Variants in RAB7A observed in about 807,000 individuals in gnomAD.
RAB7A encodes RAB7A, member RAS oncogene family.
RAB7A carries 2 observed loss-of-function variants against 24.5 expected under a neutral mutation model. The observed-to-expected ratio is 0.08, with a 90% CI of 0.03 to 0.26. The LOEUF (loss-of-function observed/expected upper bound fraction) is 0.26, where lower values mean the gene tolerates loss of function less well. Ranked by LOEUF, RAB7A falls within the 10% of genes least tolerant of loss-of-function variation. RAB7A has a pLI of 1.00. For synonymous variants in RAB7A, 100 were observed against 95.9 expected (o/e 1.04, Z -0.25); for missense variants, 118 against 255.7 (o/e 0.46, Z 3.67).
intron 1 of RAB7A, among the ~76,000 whole-genome samples, chr3:128,771,321 T>C (rs1226188889): frequency 2.6e-5 from 4 of 152,170 alleles, no homozygotes; most frequent in Non-Finnish European, 4.4e-5. Context: ...TTTGGGGGGC[T>C]CATCTTCAAG....
intron 3 of RAB7A, among the ~76,000 whole-genome samples, chr3:128,804,715 T>C (rs1194390197): frequency 6.6e-6 from 1 of 152,226 alleles, no homozygotes; most frequent in African/African-American, 2.4e-5. Context: ...TGGTTCCACC[T>C]AACAGTAACA....
At chr3:128,810,634 A>G (rs548212252) in intron 5 of RAB7A, among the ~76,000 whole-genome samples, 3,434 of 151,814 alleles carry the variant, frequency 0.023, 129 homozygotes, top group African/African-American at 0.077. Context: ...ACCTCTTCTT[A>G]TAAGGACACG....
chr3:128,727,535 C>G lies in RAB7A; in HGVS notation c.-9+1176C>G, dbSNP rs148544903. ...ATAAGAAATGCCGTTTGCGACTTAT[C>G]ACACATATTGTGGTGTAGTGTCACC... On this transcript the variant is annotated intron_variant, in intron 1 of 5. Coordinates refer to ENST00000265062, the MANE Select transcript of RAB7A (RefSeq NM_004637.6). Among the ~76,000 whole-genome samples, 25 of 152,334 alleles carry G rather than the reference C, an allele frequency of 1.6e-4. No homozygotes were observed. In the East Asian group the frequency reaches 3.7e-3, roughly 22 times the overall value.
chr3:128,773,321 A>G (rs555245399), intron 1 of RAB7A, among the ~76,000 whole-genome samples: 381 of 149,420 alleles, frequency 2.5e-3, no homozygotes, highest in African/African-American at 9.1e-3. Context: ...TCCGCCCGGC[A>G]GCCGCCCCAT....
At chr3:128,767,191 A>G (rs917354770) in intron 1 of RAB7A, among the ~76,000 whole-genome samples, 1 of 152,190 alleles carries the variant, frequency 6.6e-6, no homozygotes, top group Non-Finnish European at 1.5e-5. Flanking sequence ...GGTGTTTGCA[A>G]CTAGTCTCCT....
intron 1 of RAB7A, among the ~76,000 whole-genome samples, chr3:128,776,904 A>T (rs1275272456): frequency 1.4e-5 from 2 of 145,742 alleles, no homozygotes; most frequent in Admixed American, 7.0e-5. Context: ...GTGGTATCTC[A>T]GTGTGGCTTT....
At position 128,790,783 on chromosome 3, in the gene RAB7A, G is replaced by A. The variant is rs76773783; in HGVS notation, c.-8-4577G>A. Reference sequence around the variant, plus strand: ...TAACATGCTTTTCAAGACTGTAAAGGCAAGTCTCTTGTCATTTGTGTTTTA... The same window carrying A: ...TAACATGCTTTTCAAGACTGTAAAGACAAGTCTCTTGTCATTTGTGTTTTA... On this transcript the variant is annotated intron_variant, in intron 1 of 5. Transcript: ENST00000265062. Among the ~76,000 whole-genome samples the A allele has an allele frequency of 4.9e-3, 753 of 152,200 alleles. 1 individual carries two copies. Among genetic ancestry groups the A allele is most frequent in the Non-Finnish European group, 7.0e-3 (478 of 68,020 alleles).
chr3:128,807,582 A>G lies in RAB7A; in HGVS notation c.439A>G (p.Asn147Asp). 2 of 1,614,178 alleles carry G rather than the reference A, an allele frequency of 1.2e-6. No individual in the cohort carries two copies. The highest frequency in any genetic ancestry group is 1.7e-6 in the Non-Finnish European group (2 of 1,180,030). The change falls in exon 5 of 6, where the codon AAC becomes GAC. Residue 147 changes from asparagine to aspartate, a missense_variant. Asn to Asp is a conservative substitution (Grantham distance 23). Around this residue, in one of 2 missense-constraint regions of RAB7A, gnomAD observed 66 missense variants for 82.2 expected, o/e 0.80. Transcript: ENST00000265062. The part of the protein sequence containing the change: ...KRAQAWCYSK[N>D]NIPYFETSAK... Reference sequence around the variant, plus strand: ...GGCACAGGCCTGGTGCTACAGCAAAAACAACATTCCCTACTTTGAGACCAG... The same window carrying G: ...GGCACAGGCCTGGTGCTACAGCAAAGACAACATTCCCTACTTTGAGACCAG...
intron 1 of RAB7A, among the ~76,000 whole-genome samples, chr3:128,733,252 C>T (rs1344403247): frequency 6.6e-6 from 1 of 152,112 alleles, no homozygotes; most frequent in Non-Finnish European, 1.5e-5. Context: ...ATTTCTAGAA[C>T]TGTAGACTAA....
chr3:128,754,976 A>G (rs1273177965), intron 1 of RAB7A, among the ~76,000 whole-genome samples: 1 of 152,208 alleles, frequency 6.6e-6, no homozygotes, highest in Non-Finnish European at 1.5e-5. Context: ...AAGTAGGGAA[A>G]TAGAATATAG....
At chr3:128,796,962 C>T (rs927226583) in intron 2 of RAB7A, among the ~76,000 whole-genome samples, 5 of 152,208 alleles carry the variant, frequency 3.3e-5, no homozygotes, top group Non-Finnish European at 5.9e-5. Flanking sequence ...CCATGCCCAG[C>T]CTTTGAAGAA....
chr3:128,757,123 G>T (rs973330950), intron 1 of RAB7A, among the ~76,000 whole-genome samples: 3 of 152,122 alleles, frequency 2.0e-5, no homozygotes, highest in African/African-American at 7.2e-5. Flanking sequence ...GGGATTGCAG[G>T]TGTGAGCCAC....
intron 1 of RAB7A, among the ~76,000 whole-genome samples, chr3:128,766,208 A>C (rs2070829971): frequency 6.6e-6 from 1 of 152,230 alleles, no homozygotes; most frequent in Non-Finnish European, 1.5e-5. Flanking sequence ...TGCTCCACTG[A>C]ATACAGAGAC....
intron 1 of RAB7A, among the ~76,000 whole-genome samples, chr3:128,786,110 T>C (rs1415829516): frequency 6.6e-6 from 1 of 152,200 alleles, no homozygotes. Context: ...CCTGATGAGC[T>C]TCTTTTTCTT....
At chr3:128,757,810 G>C (rs1200510512) in intron 1 of RAB7A, among the ~76,000 whole-genome samples, 1 of 152,052 alleles carries the variant, frequency 6.6e-6, no homozygotes, top group Non-Finnish European at 1.5e-5. Context: ...GAGCCACTGT[G>C]CCTGGCCTAA....
rs182521602 is a variant in RAB7A, at chr3:128,813,585, T to A, written c.*163T>A. The A allele has an allele frequency of 1.2e-4, 78 of 629,550 alleles. No homozygotes were observed. Among genetic ancestry groups the A allele is most frequent in the Middle Eastern group, 2.5e-4 (1 of 4,032 alleles). The allele number at this position is 629,550 out of a possible 1,614,324, so 39.0% of individuals were successfully genotyped here. On this transcript the variant is annotated 3_prime_UTR_variant, in exon 6 of 6. Coordinates refer to ENST00000265062, the MANE Select transcript of RAB7A (RefSeq NM_004637.6). ...AACACAGTTACACCCCACATATCTC[T>A]CACACACACACACACACGCACACAC...
chr3:128,744,856 CTTTTTCTT>C (rs897259640), intron 1 of RAB7A, among the ~76,000 whole-genome samples: 2 of 151,212 alleles, frequency 1.3e-5, no homozygotes, highest in Non-Finnish European at 2.9e-5. Context: ...TCTGAAGTCA[CTTTTTCTT>C]TTTTTCTTTT....
chr3:128,806,369 C>T lies in RAB7A; in HGVS notation c.181-3C>T, dbSNP rs1411160897. On this transcript the variant is annotated splice_polypyrimidine_tract_variant and splice_region_variant and intron_variant, in intron 3 of 5. Transcript: ENST00000265062. ...CAAGGAATGAATGTTTTGTCTCTCA[C>T]AGATATGGGACACAGCAGGACAGGA... 1 of 1,604,668 alleles carries T rather than the reference C, an allele frequency of 6.2e-7. No individual in the cohort carries two copies. The highest frequency in any genetic ancestry group is 1.7e-5 in the Admixed American group (1 of 59,738).
intron 3 of RAB7A, among the ~76,000 whole-genome samples, chr3:128,803,399 A>G (rs570711733): frequency 5.2e-4 from 79 of 152,260 alleles, no homozygotes; most frequent in African/African-American, 1.8e-3. Context: ...TCCAAGCAGT[A>G]GGTAACCTGG....
Sources: gnomAD v4.1 joint callset for allele counts (sites outside exome capture counted in the v4.1 genomes callset) on GRCh38, gnomAD v4.1.1 for gene constraint, gnomAD v4.1.1 regional missense constraint, MANE v1.5 for transcripts, NCBI Gene and HGNC (gene_info 2026-07-23, HGNC 2026-07-21) for gene names.